The following AKAP9 variants were observed in gnomAD, a reference collection of about 807,000 sequenced individuals.
The protein encoded by AKAP9 is A-kinase anchor protein 9.
Under a neutral mutation model 488.5 loss-of-function variants are expected in AKAP9, and 311 were observed. The observed-to-expected ratio is 0.64, with a 90% CI of 0.58 to 0.70. The LOEUF (loss-of-function observed/expected upper bound fraction) is 0.70, where lower values mean the gene tolerates loss of function less well. Ranked by LOEUF, AKAP9 falls within the 30% of genes least tolerant of loss-of-function variation. The pLI, the probability that AKAP9 is intolerant of heterozygous loss-of-function variation, is 0.00. For synonymous variants in AKAP9, 1,462 were observed against 1,483.5 expected, an observed-to-expected ratio of 0.99 and a Z score of 0.33; for missense variants, 4,215 against 4,374.5, an observed-to-expected ratio of 0.96 and a Z score of 1.03.
chr7:92,041,910 C>G lies in AKAP9; in HGVS notation c.4918-136C>G, dbSNP rs1265155116. On this transcript the variant is annotated intron_variant, in intron 18 of 49. Coordinates refer to ENST00000356239, the MANE Select transcript of AKAP9 (RefSeq NM_005751.5). ...CATTGATCTTTGTATATACTTTTAACCCCTTACGATGGAATATGAATCATA... is the reference window on the plus strand; with the variant it reads ...CATTGATCTTTGTATATACTTTTAAGCCCTTACGATGGAATATGAATCATA... 6 of 861,808 alleles carry G rather than the reference C, an allele frequency of 7.0e-6. No homozygotes were observed. In the African/African-American group the frequency reaches 8.5e-5, roughly 12 times the overall value. The allele number at this position is 861,808 out of a possible 1,614,324, so 53.4% of individuals were successfully genotyped here.
In AKAP9 at chr7:92,002,353, A is replaced by G; in HGVS notation, c.2436A>G (p.Lys812=). The stretch of plus-strand genomic sequence containing the variant: ...TTTTCTTAGACTCCATTAAGTCCAA[A>G]TCCAAAGACTCTGTGTGGGAAAAAG... ...RLIFLDSIKS[K]SKDSVWEKEI... is the part of the protein sequence containing the mutation. The change falls in exon 8 of 50, where the codon AAA becomes AAG. Residue 812 remains lysine (K), a synonymous_variant. Transcript: ENST00000356239. 6.2e-7 allele frequency: 1 copy of G among 1,612,920 alleles called. No homozygotes were observed. The highest frequency in any genetic ancestry group is 8.5e-7 in the Non-Finnish European group (1 of 1,179,394).
intron 28 of AKAP9, among the ~76,000 whole-genome samples, chr7:92,075,945 T>A (rs1812514648): frequency 6.6e-6 from 1 of 152,200 alleles, no homozygotes; most frequent in African/African-American, 2.4e-5. Flanking sequence ...GAGCCACTTG[T>A]CACTAAGTGT....
At chr7:91,989,047 G>A (rs995924653) in intron 3 of AKAP9, among the ~76,000 whole-genome samples, 7 of 152,218 alleles carry the variant, frequency 4.6e-5, no homozygotes, top group East Asian at 1.9e-4. Flanking sequence ...TACATTAGAC[G>A]TTCAGCAAAG....
At chr7:92,098,604 C>T (rs1420955385) in intron 43 of AKAP9, among the ~76,000 whole-genome samples, 1 of 152,164 alleles carries the variant, frequency 6.6e-6, no homozygotes, top group Non-Finnish European at 1.5e-5. Flanking sequence ...ATACTTTTGA[C>T]CTGTTTTATT....
At chr7:91,943,599 T>G (rs1453347819) in intron 1 of AKAP9, among the ~76,000 whole-genome samples, 2 of 152,234 alleles carry the variant, frequency 1.3e-5, no homozygotes, top group Non-Finnish European at 2.9e-5. Flanking sequence ...CACGTTTTGT[T>G]AAAGTGTTTT....
intron 1 of AKAP9, 35 bp from the exon 2 acceptor site, chr7:91,973,676 T>A (rs755390847): frequency 4.4e-6 from 7 of 1,605,566 alleles, no homozygotes; most frequent in Admixed American, 1.7e-5. Flanking sequence ...AGAAAAATTA[T>A]CTTTGACAAT....
At chr7:92,100,067 C>G in intron 44 of AKAP9, 198 bp downstream of exon 44, 1 of 521,544 alleles carries the variant, frequency 1.9e-6, no homozygotes, top group Non-Finnish European at 3.4e-6. Flanking sequence ...TGGAAACCAT[C>G]TCTGTACTCG....
chr7:92,088,109 T>C (rs1217114040), intron 37 of AKAP9, among the ~76,000 whole-genome samples: 1 of 152,086 alleles, frequency 6.6e-6, no homozygotes, highest in East Asian at 1.9e-4. Flanking sequence ...CCCCAGAAAA[T>C]CTTCTTTAAT....
At chr7:91,961,800 C>T (rs913880428) in intron 1 of AKAP9, among the ~76,000 whole-genome samples, 11 of 151,426 alleles carry the variant, frequency 7.3e-5, no homozygotes, top group Admixed American at 2.6e-4. Context: ...GCTGAGATCG[C>T]GCCACTGCAC....
Position 92,110,457 on chromosome 7 carries a change from A to C in AKAP9, c.*298A>C. ...AAATGGGTGAAAAGATTAAACTTTT[A>C]CGCATTACAATACTGCTGAATGTGT... is the stretch of plus-strand genomic sequence containing the variant. On this transcript the variant is annotated 3_prime_UTR_variant, in exon 50 of 50. Coordinates refer to ENST00000356239, the MANE Select transcript of AKAP9 (RefSeq NM_005751.5). 1 of 436,458 alleles carries C rather than the reference A, an allele frequency of 2.3e-6. No individual in the cohort carries two copies. Among genetic ancestry groups the C allele is most frequent in the Admixed American group, 3.8e-5 (1 of 25,994 alleles). 27.0% of individuals were successfully genotyped at this position (436,458 alleles called of 1,614,324 possible).
At chr7:92,108,978 G>A (rs893348238) in intron 49 of AKAP9, 5 of 409,684 alleles carry the variant, frequency 1.2e-5, no homozygotes, top group East Asian at 4.2e-5. Context: ...CCTAAGTAGC[G>A]CATGGCAGAA....
chr7:91,971,972 T>C (rs1795139850), intron 1 of AKAP9, among the ~76,000 whole-genome samples: 1 of 149,028 alleles, frequency 6.7e-6, no homozygotes, highest in Admixed American at 6.8e-5. Flanking sequence ...GTCTTTTATG[T>C]TTTGCCTCTC....
intron 3 of AKAP9, among the ~76,000 whole-genome samples, chr7:91,991,767 G>A (rs934915392): frequency 2.4e-4 from 37 of 152,080 alleles, no homozygotes; most frequent in African/African-American, 2.4e-5. Flanking sequence ...CACCACACCC[G>A]ACCTAAATTG....
At chr7:92,068,365 C>CAAAAAA (rs77237109) in intron 26 of AKAP9, among the ~76,000 whole-genome samples, 5 of 46,484 alleles carry the variant, frequency 1.1e-4, no homozygotes, top group African/African-American at 2.9e-4. Flanking sequence ...GACTCCGTCT[C>CAAAAAA]AAAAAAAAAA....
chr7:92,040,402 T>G (rs887316387), intron 17 of AKAP9, among the ~76,000 whole-genome samples: 1 of 152,152 alleles, frequency 6.6e-6, no homozygotes, highest in Non-Finnish European at 1.5e-5. Flanking sequence ...GTTCTTTTTT[T>G]TCTATTAGAA....
At chr7:92,009,129 G>C in intron 8 of AKAP9, among the ~76,000 whole-genome samples, 1 of 151,988 alleles carries the variant, frequency 6.6e-6, no homozygotes, top group Non-Finnish European at 1.5e-5. Flanking sequence ...GACCAACCTG[G>C]GCAATATAGC....
rs142673316 is a variant in AKAP9, at chr7:92,001,075, A to G, written c.1158A>G (p.Lys386=). 9.3e-6 allele frequency: 15 copies of G among 1,613,340 alleles called. No individual in the cohort carries two copies. Among genetic ancestry groups the G allele is most frequent in the Non-Finnish European group, 5.1e-6 (6 of 1,179,700 alleles). The change falls in exon 8 of 50, where the codon AAA becomes AAG. Residue 386 remains lysine (K), a synonymous_variant. Coordinates refer to ENST00000356239, the MANE Select transcript of AKAP9 (RefSeq NM_005751.5). The part of the protein sequence containing the change: ...MKLELTNSKQ[K]ERQSSEEIKQ... ...TAGAGCTGACTAATTCTAAGCAAAA[A>G]GAAAGACAGTCTTCTGAAGAAATAA...
intron 1 of AKAP9, among the ~76,000 whole-genome samples, chr7:91,949,799 T>C (rs1791964858): frequency 6.6e-6 from 1 of 152,182 alleles, no homozygotes; most frequent in Non-Finnish European, 1.5e-5. Context: ...AATTTATAGA[T>C]TCTTTTGTAA....
chr7:91,949,339 G>A (rs538870200), intron 1 of AKAP9, among the ~76,000 whole-genome samples: 1 of 152,174 alleles, frequency 6.6e-6, no homozygotes, highest in South Asian at 2.1e-4. Flanking sequence ...TAGGTTCTTG[G>A]TGAGTTGATA....
Sources: gnomAD v4.1 joint callset for allele counts (sites outside exome capture counted in the v4.1 genomes callset) on GRCh38, gnomAD v4.1.1 for gene constraint, MANE v1.5 for transcripts, NCBI Gene and HGNC (gene_info 2026-07-23, HGNC 2026-07-21) for gene names.